The following ALK variants were observed in gnomAD, a reference collection of about 807,000 sequenced individuals.
ALK encodes ALK tyrosine kinase receptor.
A neutral mutation model predicts 163.1 loss-of-function variants in ALK; 74 were observed. The ratio of observed to expected loss-of-function variants is 0.45; its 90% confidence interval spans 0.38 to 0.55. The LOEUF is 0.55. ALK is among the 20% of genes least tolerant of loss of function. The pLI is 0.00. For synonymous variants in ALK, 960 were observed against 843.2 expected (o/e 1.14, Z -2.40); for missense variants, 2,063 against 2,105.3 (o/e 0.98, Z 0.39).
chr2:29,260,360 G>A (rs569851931), intron 11 of ALK, among the ~76,000 whole-genome samples: 11 of 152,266 alleles, frequency 7.2e-5, no homozygotes, highest in African/African-American at 1.7e-4. Context: ...TTCTGTAGGC[G>A]TGTTATTCCG....
intron 2 of ALK, 72 bp from the exon 3 acceptor site, chr2:29,695,086 C>T (rs1050698187): frequency 1.3e-6 from 2 of 1,571,158 alleles, no homozygotes; most frequent in African/African-American, 2.7e-5. Context: ...CTCCACTCCA[C>T]ACTAGGAGGT....
intron 1 of ALK, among the ~76,000 whole-genome samples, chr2:29,843,184 A>G (rs1572428204): frequency 6.6e-6 from 1 of 152,108 alleles, no homozygotes; most frequent in East Asian, 1.9e-4. Context: ...GGATGAGGGG[A>G]AAAGACCCAC....
intron 4 of ALK, among the ~76,000 whole-genome samples, chr2:29,464,194 T>C (rs1447138659): frequency 6.6e-6 from 1 of 151,918 alleles, no homozygotes; most frequent in Admixed American, 6.6e-5. Flanking sequence ...AAGAAGAAAA[T>C]TGGACCTATA....
chr2:29,684,480 A>G (rs1678178963), intron 3 of ALK, among the ~76,000 whole-genome samples: 1 of 152,192 alleles, frequency 6.6e-6, no homozygotes, highest in Non-Finnish European at 1.5e-5. Context: ...ACTTCCTCAC[A>G]TGGATTGCAT....
chr2:29,673,339 T>C lies in ALK; in HGVS notation c.952+21511A>G, dbSNP rs1232695814. 8.0e-3 allele frequency among the ~76,000 whole-genome samples: 998 copies of C among 125,014 alleles called. 10 individuals are homozygous for C. Among genetic ancestry groups the C allele is most frequent in the South Asian group, 0.041 (138 of 3,386 alleles). The allele number at this position is 125,014 out of a possible 152,430, so 82.0% of individuals were successfully genotyped here. On this transcript the variant is annotated intron_variant, in intron 3 of 28. Transcript: ENST00000389048. ...TAACGTTTAAGTCTTTAATCCATCTTGAATTGATTTTTGTATAAGGTGTAA... is the reference window on the plus strand; with the variant it reads ...TAACGTTTAAGTCTTTAATCCATCTCGAATTGATTTTTGTATAAGGTGTAA...
At chr2:29,826,991 A>G (rs1665220020) in intron 1 of ALK, among the ~76,000 whole-genome samples, 1 of 152,246 alleles carries the variant, frequency 6.6e-6, no homozygotes, top group Admixed American at 6.5e-5. Context: ...CTGTACCCTT[A>G]CAGGAGATTG....
At chr2:29,715,732 C>T (rs921541966) in intron 2 of ALK, among the ~76,000 whole-genome samples, 9 of 152,186 alleles carry the variant, frequency 5.9e-5, no homozygotes, top group African/African-American at 1.9e-4. Flanking sequence ...CCAGTTGTAT[C>T]GCAAATCTGG....
intron 20 of ALK, among the ~76,000 whole-genome samples, 163 bp from the exon 21 acceptor site, chr2:29,222,770 T>A (rs1264955469): frequency 2.6e-5 from 4 of 152,126 alleles, no homozygotes; most frequent in African/African-American, 9.7e-5. Flanking sequence ...TGCTATGCAA[T>A]CTCGGGCTTC....
At chr2:29,734,552 C>A (rs919707141) in intron 1 of ALK, among the ~76,000 whole-genome samples, 4 of 152,052 alleles carry the variant, frequency 2.6e-5, no homozygotes, top group African/African-American at 9.7e-5. Context: ...TCAAAATGAG[C>A]AACCTCTTCC....
chr2:29,207,458 G>A (rs1006797103), intron 25 of ALK, among the ~76,000 whole-genome samples, 186 bp from the exon 26 acceptor site: 2 of 152,224 alleles, frequency 1.3e-5, no homozygotes, highest in Non-Finnish European at 2.9e-5. Context: ...GAACTTTGGT[G>A]TCATTTAATA....
intron 3 of ALK, among the ~76,000 whole-genome samples, chr2:29,645,506 A>G (rs924492173): frequency 9.9e-5 from 15 of 152,174 alleles, no homozygotes; most frequent in Admixed American, 6.5e-5. Flanking sequence ...GTACTCCATT[A>G]GAATCATCAT....
chr2:29,625,042 G>A (rs1676152802), intron 3 of ALK, among the ~76,000 whole-genome samples: 1 of 152,208 alleles, frequency 6.6e-6, no homozygotes, highest in African/African-American at 2.4e-5. Flanking sequence ...ATGGACGTGA[G>A]TGTGTCAGGT....
chr2:29,795,619 T>C lies in ALK; in HGVS notation c.668-77922A>G, dbSNP rs564707143. On this transcript the variant is annotated intron_variant, in intron 1 of 28. Transcript: ENST00000389048. The stretch of plus-strand genomic sequence containing the variant: ...GAAATAAAAAGTGATAAAGTAAATA[T>C]GGCATGTCCAAAAGATAAGTTATTA... Among the ~76,000 whole-genome samples the C allele has an allele frequency of 9.9e-5, 15 of 152,228 alleles. No homozygotes were observed. In the South Asian group the frequency reaches 2.5e-3, roughly 25 times the overall value.
intron 1 of ALK, among the ~76,000 whole-genome samples, chr2:29,914,223 A>C (rs555657674): frequency 2.0e-5 from 3 of 152,214 alleles, no homozygotes; most frequent in Non-Finnish European, 4.4e-5. Context: ...ATTTCTGAGA[A>C]AGTCGCCTTC....
At chr2:29,368,689 G>A (rs1250474076) in intron 5 of ALK, among the ~76,000 whole-genome samples, 1 of 152,144 alleles carries the variant, frequency 6.6e-6, no homozygotes, top group African/African-American at 2.4e-5. Flanking sequence ...TCATAGAGTG[G>A]GAAGTGGTAA....
intron 1 of ALK, among the ~76,000 whole-genome samples, chr2:29,729,387 G>A (rs1188739587): frequency 3.3e-5 from 5 of 152,142 alleles, no homozygotes; most frequent in African/African-American, 9.7e-5. Context: ...GCAAGGAGAC[G>A]CCTATTAAGC....
intron 4 of ALK, among the ~76,000 whole-genome samples, chr2:29,472,477 T>G (rs143309342): frequency 7.2e-4 from 110 of 152,326 alleles, no homozygotes; most frequent in African/African-American, 2.5e-3. Context: ...TACAGCTAAC[T>G]TCATACTTAA....
At chr2:29,835,911 C>T (rs1665545667) in intron 1 of ALK, among the ~76,000 whole-genome samples, 1 of 152,176 alleles carries the variant, frequency 6.6e-6, no homozygotes, top group Non-Finnish European at 1.5e-5. Context: ...CTTTACAAAT[C>T]ACCCAGTCTT....
intron 1 of ALK, among the ~76,000 whole-genome samples, chr2:29,820,344 A>G (rs1665014385): frequency 1.3e-5 from 2 of 152,198 alleles, no homozygotes; most frequent in South Asian, 4.1e-4. Flanking sequence ...TGAAGCCCTC[A>G]GATGACTGCA....
Sources: gnomAD v4.1 joint callset for allele counts (sites outside exome capture counted in the v4.1 genomes callset) on GRCh38, gnomAD v4.1.1 for gene constraint, MANE v1.5 for transcripts, NCBI Gene and HGNC (gene_info 2026-07-23, HGNC 2026-07-21) for gene names.